Variants in TENM1 observed in about 807,000 individuals in gnomAD.
TENM1 encodes teneurin-1.
In TENM1, 35 loss-of-function variants were observed where a neutral mutation model predicts 174.8. That is an observed-to-expected ratio of 0.20 (90% confidence interval 0.15 to 0.27). The LOEUF (loss-of-function observed/expected upper bound fraction) is 0.27. TENM1 is among the 10% of genes least tolerant of loss of function. TENM1 has a pLI of 1.00. For missense variants in TENM1, 1,633 were observed against 2,130.1 expected (o/e 0.77, Z 4.59); for synonymous variants, 781 against 798.7 (o/e 0.98, Z 0.37).
chrX:124,968,801 T>G (rs191321741), upstream of TENM1, among the ~76,000 whole-genome samples: 7 of 111,778 alleles, frequency 6.3e-5, no homozygotes, highest in Non-Finnish European at 1.1e-4. Context: ...GTGCCTAGAG[T>G]TGTGAAATCA....
intron 27 of TENM1, among the ~76,000 whole-genome samples, chrX:124,394,493 A>T (rs998535369): frequency 1.8e-5 from 2 of 112,045 alleles, no homozygotes; most frequent in African/African-American, 6.5e-5. Context: ...CTGCAAAGCT[A>T]ATGCTCTCAT....
chrX:124,893,744 A>G (rs1301722867), intron 3 of TENM1, among the ~76,000 whole-genome samples: 1 of 111,708 alleles, frequency 9.0e-6, no homozygotes, highest in African/African-American at 3.3e-5. Flanking sequence ...CCCCCTTACT[A>G]AGGAATGACA....
At chrX:124,453,972 T>G (rs373640181) in intron 22 of TENM1, among the ~76,000 whole-genome samples, 7 of 111,804 alleles carry the variant, frequency 6.3e-5, no homozygotes, top group African/African-American at 2.3e-4. Flanking sequence ...ATAACTTTGA[T>G]GAACCGGGCT....
At chrX:125,086,797 C>G in the TENM1 span, among the ~76,000 whole-genome samples, 1 of 110,700 alleles carries the variant, frequency 9.0e-6, no homozygotes, top group South Asian at 3.8e-4. Flanking sequence ...TTACACACTA[C>G]CCATCAAACT....
At chrX:124,942,924 C>T in intron 1 of TENM1, among the ~76,000 whole-genome samples, 1 of 111,600 alleles carries the variant, frequency 9.0e-6, no homozygotes, top group Non-Finnish European at 1.9e-5. Flanking sequence ...TTTTAGGAGA[C>T]TAAGGAGGAT....
At chrX:125,062,652 C>T in the TENM1 span, among the ~76,000 whole-genome samples, 1 of 112,122 alleles carries the variant, frequency 8.9e-6, no homozygotes, top group East Asian at 2.8e-4. Flanking sequence ...GAAATAATAA[C>T]AGAATCCTTA....
chrX:125,181,180 T>G, the TENM1 span, among the ~76,000 whole-genome samples: 1 of 112,154 alleles, frequency 8.9e-6, no homozygotes, highest in South Asian at 3.8e-4. Context: ...ATCACAACTC[T>G]GTGAGGTATA....
chrX:125,047,298 C>T, the TENM1 span, among the ~76,000 whole-genome samples: 1 of 111,441 alleles, frequency 9.0e-6, no homozygotes, highest in Non-Finnish European at 1.9e-5. Flanking sequence ...ATATTGTTTC[C>T]CCTGTTAGCA....
chrX:124,706,716 A>G (rs1216829229), intron 4 of TENM1, among the ~76,000 whole-genome samples: 1 of 112,252 alleles, frequency 8.9e-6, no homozygotes, highest in East Asian at 2.8e-4. Context: ...CTTTTATACA[A>G]CAAATAAATA....
chrX:124,886,548 TAGAGAGAG>T (rs57122660), intron 3 of TENM1, among the ~76,000 whole-genome samples: 1 of 59,993 alleles, frequency 1.7e-5, no homozygotes, highest in African/African-American at 6.6e-5. Context: ...TATATATATA[TAGAGAGAG>T]AGAGAGAGAG....
chrX:124,650,199 C>A (rs1459633823), intron 8 of TENM1, among the ~76,000 whole-genome samples: 3 of 40,863 alleles, frequency 7.3e-5, no homozygotes, highest in Non-Finnish European at 7.9e-5. Context: ...GAAACTGTCT[C>A]CAAAAAAAAA....
At chrX:124,829,294 C>T (rs1417441990) in intron 3 of TENM1, among the ~76,000 whole-genome samples, 3 of 111,943 alleles carry the variant, frequency 2.7e-5, no homozygotes, top group African/African-American at 9.7e-5. Context: ...CAAGATGTAT[C>T]TAAAAAAAAG....
At chrX:124,985,993 C>A in the TENM1 span, among the ~76,000 whole-genome samples, 1 of 111,365 alleles carries the variant, frequency 9.0e-6, no homozygotes, top group Admixed American at 9.6e-5. Context: ...ACTGATAAAA[C>A]GTAAGTTAGA....
chrX:124,802,029 T>C (rs1603214195), intron 3 of TENM1, among the ~76,000 whole-genome samples: 1 of 111,375 alleles, frequency 9.0e-6, no homozygotes, highest in Non-Finnish European at 1.9e-5. Flanking sequence ...TCAAGGTTCT[T>C]AGCTTCTTTG....
intron 3 of TENM1, among the ~76,000 whole-genome samples, chrX:124,811,532 G>A (rs372639761): frequency 5.4e-5 from 6 of 111,717 alleles, no homozygotes; most frequent in South Asian, 7.4e-4. Context: ...TGGCAAGGAC[G>A]TGGAGAAAAG....
intron 19 of TENM1, among the ~76,000 whole-genome samples, chrX:124,501,513 G>T (rs1407873275): frequency 1.8e-5 from 2 of 112,093 alleles, no homozygotes; most frequent in Non-Finnish European, 3.8e-5. Flanking sequence ...CTAATTACAG[G>T]TGTCTTTTTA....
chrX:124,522,300 T>C (rs2047868073), intron 17 of TENM1, among the ~76,000 whole-genome samples: 1 of 111,264 alleles, frequency 9.0e-6, no homozygotes, highest in South Asian at 3.8e-4. Flanking sequence ...GAACAATCAA[T>C]TCTATCTTGG....
intron 1 of TENM1, among the ~76,000 whole-genome samples, chrX:124,930,261 T>C (rs1191717712): frequency 8.9e-6 from 1 of 112,330 alleles, no homozygotes; most frequent in Non-Finnish European, 1.9e-5. Context: ...AGTTCTTCCA[T>C]TCTTTTTACA....
exon 31 of TENM1, chrX:124,382,698 G>A: frequency 3.3e-6 from 4 of 1,206,355 alleles, no homozygotes; most frequent in Non-Finnish European, 4.5e-6. Context: ...TTGAGTTTTT[G>A]TCTGAAGCCG....
Sources: allele counts gnomAD v4.1 joint callset (sites outside exome capture counted in the v4.1 genomes callset), GRCh38; gene constraint gnomAD v4.1.1; transcripts MANE v1.5; gene names NCBI Gene and HGNC (gene_info 2026-07-23, HGNC 2026-07-21).